GZMM: variants seen among roughly 807,000 people sequenced by gnomAD.
The protein encoded by GZMM is HU-Met-1.
A neutral mutation model predicts 19.2 loss-of-function variants in GZMM; 23 were observed. The ratio of observed to expected loss-of-function variants is 1.20; its 90% CI spans 0.86 to 1.69. GZMM has a LOEUF of 1.69. Among genes scored for constraint, GZMM ranks in the 40% most tolerant of loss-of-function variants. GZMM has a pLI of 0.00. For missense variants in GZMM, 373 were observed against 352.2 expected (o/e 1.06, Z -0.47); for synonymous variants, 178 against 160.2 (o/e 1.11, Z -0.84).
At position 549,799 on chromosome 19, in the gene GZMM, G is replaced by A. The variant is rs200816488; in HGVS notation, c.*8G>A. On this transcript the variant is annotated 3_prime_UTR_variant, in exon 5 of 5. Coordinates refer to ENST00000264553, the MANE Select transcript of GZMM (RefSeq NM_005317.4). Reference sequence around the variant, plus strand: ...ACCGGCCGATCGGCCTGATGCCCTGGGGTGATGGGGACCCCCTCGCTGTCT... The same window carrying A: ...ACCGGCCGATCGGCCTGATGCCCTGAGGTGATGGGGACCCCCTCGCTGTCT... 13 of 1,609,298 alleles carry A rather than the reference G, an allele frequency of 8.1e-6. No homozygotes were observed. The Admixed American group carries it at 1.8e-4, about 23-fold the overall frequency.
At chr19:546,011 C>G (rs928196034) in intron 1 of GZMM, among the ~76,000 whole-genome samples, 1 of 151,680 alleles carries the variant, frequency 6.6e-6, no homozygotes, top group Non-Finnish European at 1.5e-5. Flanking sequence ...AACTCCTGAC[C>G]TCAGGCTGTC....
At position 548,938 on chromosome 19, in the gene GZMM, A is replaced by G. The variant is rs753581364; in HGVS notation, c.365A>G (p.Lys122Arg). ...LALLQLDGKV[K>R]PSRTIRPLAL... ...CACTCGTAGCTGGACGGGAAAGTGA[A>G]GCCCAGCCGGACCATCCGGCCGTTG... is the stretch of plus-strand genomic sequence containing the variant. Residue 122 changes from lysine (K) to arginine (R), a missense_variant, in exon 4 of 5, where the codon AAG becomes AGG. Physicochemically the swap from Lys to Arg is conservative, Grantham distance 26. Coordinates refer to ENST00000264553, the MANE Select transcript of GZMM (RefSeq NM_005317.4). 2 of 1,578,224 alleles carry G rather than the reference A, an allele frequency of 1.3e-6. No homozygotes were observed. Among genetic ancestry groups the G allele is most frequent in the Admixed American group, 3.5e-5 (2 of 57,906 alleles).
At chr19:544,652 C>T (rs1646200442) in intron 1 of GZMM, among the ~76,000 whole-genome samples, 1 of 152,046 alleles carries the variant, frequency 6.6e-6, no homozygotes, top group South Asian at 2.1e-4. Context: ...ATCCAGCCGT[C>T]AGTCATCATC....
intron 1 of GZMM, among the ~76,000 whole-genome samples, chr19:545,197 G>A (rs1266692025): frequency 6.6e-6 from 1 of 151,836 alleles, no homozygotes; most frequent in Non-Finnish European, 1.5e-5. Flanking sequence ...GAAGAGACAG[G>A]CCAGGCATGA....
Position 549,739 on chromosome 19 carries a change from C to T in GZMM, c.722C>T (p.Ala241Val). The change falls in exon 5 of 5, where the codon GCT (alanine) becomes GTT (valine). Residue 241 changes from alanine to valine, a missense_variant. Transcript: ENST00000264553. ...ATCTTCAAGCCTCCCGTGGCCACCG[C>T]TGTGGCGCCTTACGTGTCCTGGATC... ...TDIFKPPVATAVAPYVSWIRK... is the reference protein window; with the variant it reads ...TDIFKPPVATVVAPYVSWIRK... 1.9e-6 allele frequency: 3 copies of T among 1,613,708 alleles called. No homozygotes were observed. The highest frequency in any genetic ancestry group is 2.2e-5 in the East Asian group (1 of 44,876).
chr19:548,455 C>A, intron 2 of GZMM, 87 bp from the exon 3 acceptor site: 1 of 1,364,994 alleles, frequency 7.3e-7, no homozygotes, highest in Non-Finnish European at 1.0e-6. Context: ...TGGCCATGGA[C>A]AACGGGCACA....
chr19:549,770 G>A lies in GZMM; in HGVS notation c.753G>A (p.Lys251=), dbSNP rs919637009. 1 of 1,613,062 alleles carries A rather than the reference G, an allele frequency of 6.2e-7. No individual in the cohort carries two copies. Among genetic ancestry groups the A allele is most frequent in the Non-Finnish European group, 8.5e-7 (1 of 1,179,904 alleles). ...AVAPYVSWIR[K]VTGRSA is the part of the protein sequence containing the mutation. ...CGCCTTACGTGTCCTGGATCAGGAA[G>A]GTCACCGGCCGATCGGCCTGATGCC... The change falls in exon 5 of 5, where the codon AAG becomes AAA. Residue 251 remains lysine, a synonymous_variant. Transcript: ENST00000264553.
chr19:546,072 A>AC (rs5826702), intron 1 of GZMM, among the ~76,000 whole-genome samples: 137,649 of 151,036 alleles, frequency 0.91, 62,953 homozygotes, highest in South Asian at 0.98. Flanking sequence ...GAGCCACTGC[A>AC]CCGGCCCGCA....
rs772722407 is a variant in GZMM at position 549,808 on chromosome 19, G to A, written c.*17G>A. 8 of 1,604,932 alleles carry A rather than the reference G, an allele frequency of 5.0e-6. No individual in the cohort carries two copies. Among genetic ancestry groups the A allele is most frequent in the Non-Finnish European group, 6.8e-6 (8 of 1,177,106 alleles). The stretch of plus-strand genomic sequence containing the variant: ...TCGGCCTGATGCCCTGGGGTGATGG[G>A]GACCCCCTCGCTGTCTCCACAGGAC... On this transcript the variant is annotated 3_prime_UTR_variant, in exon 5 of 5. Transcript: ENST00000264553.
chr19:547,116 G>A (rs1774935607), intron 1 of GZMM, among the ~76,000 whole-genome samples, 164 bp from the exon 2 acceptor site: 1 of 151,766 alleles, frequency 6.6e-6, no homozygotes, highest in Non-Finnish European at 1.5e-5. Flanking sequence ...AGGGATGAAG[G>A]GCAGCCCACA....
chr19:548,758 C>CGCTGCCGACCCTCCCCCCGCACT, intron 3 of GZMM, 81 bp downstream of exon 3: 1 of 1,212,542 alleles, frequency 8.2e-7, no homozygotes, highest in South Asian at 1.4e-5. Flanking sequence ...GCCCTCCCCC[C>CGCTGCCGACCCTCCCCCCGCACT]GCTGCCGACC....
chr19:549,136 C>G lies in GZMM; in HGVS notation c.563C>G (p.Pro188Arg), dbSNP rs1306542422. Residue 188 changes from proline to arginine, a missense_variant, in exon 4 of 5, where the codon CCC (proline) becomes CGC (arginine). Pro to Arg is a moderately radical substitution (Grantham distance 103). Transcript: ENST00000264553. The stretch of plus-strand genomic sequence containing the variant: ...CGCTTCTGGAACGGCAGCCTCTCCC[C>G]CAGCATGGTCTGCCTGGCGGCCGAC... ...NSRFWNGSLS[P>R]SMVCLAADSK... The G allele has an allele frequency of 2.5e-6, 4 of 1,579,680 alleles. No individual in the cohort carries two copies. In the African/African-American group the frequency reaches 4.0e-5, roughly 16 times the overall value.
Position 544,544 on chromosome 19 carries a change from A to G in GZMM, c.55+418A>G, listed in dbSNP as rs1414446147. ...GGGACTAGGTGCCCAGCAGTGAGGG[A>G]GAAGGGAGGTGGGTGGCGGCTCCCC... On this transcript the variant is annotated intron_variant, in intron 1 of 4. Coordinates refer to ENST00000264553, the MANE Select transcript of GZMM (RefSeq NM_005317.4). 1.3e-5 allele frequency among the ~76,000 whole-genome samples: 2 copies of G among 152,032 alleles called. 1 individual carries two copies. Among genetic ancestry groups the G allele is most frequent in the African/African-American group, 4.8e-5 (2 of 41,390 alleles).
chr19:549,283 G>A (rs1019454740), intron 4 of GZMM, 98 bp downstream of exon 4: 3 of 1,258,666 alleles, frequency 2.4e-6, no homozygotes, highest in Non-Finnish European at 3.2e-6. Context: ...CGTTCTCTGG[G>A]GAGTCCTGTC....
At position 548,686 on chromosome 19, in the gene GZMM, G is replaced by C; in HGVS notation, c.348+9G>C. The C allele has an allele frequency of 6.2e-7, 1 of 1,610,858 alleles. No homozygotes were observed. The highest frequency in any genetic ancestry group is 1.7e-4 in the Middle Eastern group (1 of 6,024). On this transcript the variant is annotated intron_variant, in intron 3 of 4. Coordinates refer to ENST00000264553, the MANE Select transcript of GZMM (RefSeq NM_005317.4). ...ACCTCGCGCTGCTTCAGGTGTGCAG[G>C]GACGGGACAGGGAGAACTGGGCACC...
Position 549,781 on chromosome 19 carries a change from G to T in GZMM, c.764G>T (p.Arg255Leu), listed in dbSNP as rs151036435. Residue 255 changes from arginine to leucine, a missense_variant, in exon 5 of 5, where the codon CGA becomes CTA. Transcript: ENST00000264553. ...YVSWIRKVTG[R>L]SA ...TCCTGGATCAGGAAGGTCACCGGCC[G>T]ATCGGCCTGATGCCCTGGGGTGATG... 2 of 1,506,010 alleles carry T rather than the reference G, an allele frequency of 1.3e-6. No homozygotes were observed. Among genetic ancestry groups the T allele is most frequent in the Non-Finnish European group, 1.8e-6 (2 of 1,111,254 alleles). The allele number at this position is 1,506,010 out of a possible 1,614,324, so 93.3% of individuals were successfully genotyped here.
intron 2 of GZMM, among the ~76,000 whole-genome samples, chr19:547,973 T>C (rs2070800): frequency 0.59 from 89,530 of 151,968 alleles, 28,684 homozygotes; most frequent in Non-Finnish European, 0.72. Context: ...CAAAAAGGGA[T>C]CTGCCGGCTT....
Position 547,417 on chromosome 19 carries a change from G to A in GZMM, c.193G>A (p.Ala65Thr). 6.7e-7 allele frequency: 1 copy of A among 1,484,680 alleles called. No individual in the cohort carries two copies. The highest frequency in any genetic ancestry group is 1.3e-5 in the South Asian group (1 of 74,966). 92.0% of individuals were successfully genotyped at this position (1,484,680 alleles called of 1,614,324 possible). The change falls in exon 2 of 5, where the codon GCC (alanine) becomes ACC (threonine). Residue 65 changes from alanine to threonine, a missense_variant. By Grantham distance (58) the Ala-to-Thr change is moderately conservative (BLOSUM62 0). Transcript: ENST00000264553. The stretch of plus-strand genomic sequence containing the variant: ...GCACCCAAAGTGGGTGCTGACGGCT[G>A]CCCACTGCCTGGCCCAGCGGTGAGT... ...LVHPKWVLTA[A>T]HCLAQRMAQL...
At chr19:544,184 C>G (rs762752915) in intron 1 of GZMM, 58 bp downstream of exon 1, 396 of 1,449,298 alleles carry the variant, frequency 2.7e-4, no homozygotes, top group Admixed American at 5.0e-4. Flanking sequence ...CGGTGGGTCC[C>G]TGGATGGGAG....
Sources: allele counts gnomAD v4.1 joint callset (sites outside exome capture counted in the v4.1 genomes callset), GRCh38; gene constraint gnomAD v4.1.1; transcripts MANE v1.5; gene names NCBI Gene and HGNC (gene_info 2026-07-23, HGNC 2026-07-21).